The following OPRM1 variants were observed in gnomAD, a reference collection of about 807,000 sequenced individuals.
OPRM1 encodes opioid receptor mu 1, also known as mu-type opioid receptor.
A neutral mutation model predicts 31.8 loss-of-function variants in OPRM1; 27 were observed. That is an observed-to-expected ratio of 0.85 (90% confidence interval 0.63 to 1.17). The LOEUF (loss-of-function observed/expected upper bound fraction) is 1.17. OPRM1 is among the 50% of genes most tolerant of loss of function. The probability of loss-of-function intolerance (pLI) is 0.00; values close to 1 mark genes in which losing one functional copy is unlikely to be tolerated. For synonymous variants in OPRM1, 196 were observed against 189.9 expected (o/e 1.03, Z -0.26); for missense variants, 536 against 511.1 (o/e 1.05, Z -0.47).
At chr6:154,229,461 C>A (rs1443673357) in intron 3 of OPRM1, among the ~76,000 whole-genome samples, 1 of 151,224 alleles carries the variant, frequency 6.6e-6, no homozygotes, top group Non-Finnish European at 1.5e-5. Flanking sequence ...GCCATTCTCC[C>A]GCCTCAGCCT....
At chr6:154,019,678 C>G (rs1778231303) in intron 1 of OPRM1, among the ~76,000 whole-genome samples, 2 of 151,444 alleles carry the variant, frequency 1.3e-5, no homozygotes, top group South Asian at 4.2e-4. Context: ...GCTCATTTCA[C>G]TTAGAAATGT....
chr6:154,010,579 C>T (rs577643991), exon 1 of OPRM1: 24 of 1,541,448 alleles, frequency 1.6e-5, no homozygotes, highest in Admixed American at 2.0e-5. Context: ...GAAGAAAATA[C>T]TCCTCTGAGC....
downstream of OPRM1, among the ~76,000 whole-genome samples, chr6:154,133,832 A>G (rs1159930559): frequency 6.6e-6 from 1 of 152,156 alleles, no homozygotes; most frequent in Non-Finnish European, 1.5e-5. Context: ...CTCAAGACTG[A>G]CTGCTATTCT....
At position 154,155,515 on chromosome 6, in the gene OPRM1, G is replaced by A. The variant is rs1446907019; in HGVS notation, c.1164+64043G>A. 6 of 152,122 alleles carry A rather than the reference G, an allele frequency of 3.9e-5. No homozygotes were observed. In the East Asian group the frequency reaches 9.6e-4, roughly 24 times the overall value. The allele number at this position is 152,122 out of a possible 1,614,324, so 9.4% of individuals were successfully genotyped here. The stretch of plus-strand genomic sequence containing the variant: ...TGGCTATATCAAAATACTGTCTTTC[G>A]GCCAGGTGTGGTGGCTCACACCTGT... On this transcript the variant is annotated intron_variant, in intron 3 of 3. Transcript: ENST00000337049.
intron 3 of OPRM1, among the ~76,000 whole-genome samples, chr6:154,208,539 C>T (rs1018896043): frequency 3.3e-5 from 5 of 152,190 alleles, no homozygotes; most frequent in Non-Finnish European, 5.9e-5. Flanking sequence ...AGAGGTTTGG[C>T]TCCATGATGA....
chr6:154,152,850 C>T (rs1798576871), intron 3 of OPRM1, among the ~76,000 whole-genome samples: 1 of 151,998 alleles, frequency 6.6e-6, no homozygotes, highest in Non-Finnish European at 1.5e-5. Flanking sequence ...CTGCCTCAGC[C>T]TCTCACGTAG....
rs987716894 is a variant in OPRM1, at chr6:154,130,931, G to C, written c.*12210G>C. 6.6e-6 allele frequency among the ~76,000 whole-genome samples: 1 copy of C among 151,598 alleles called. No individual in the cohort carries two copies. The highest frequency in any genetic ancestry group is 2.4e-5 in the African/African-American group (1 of 41,292). On this transcript the variant is annotated 3_prime_UTR_variant, in exon 4 of 4. Coordinates refer to ENST00000330432, the MANE Select transcript of OPRM1 (RefSeq NM_000914.5). ...AAAATGTAAAACAATGAGTGATCTT[G>C]TTGTTTTCATTTTATTATGTTATAT...
intron 3 of OPRM1, among the ~76,000 whole-genome samples, chr6:154,199,388 T>C (rs536970059): frequency 1.3e-5 from 2 of 152,338 alleles, no homozygotes; most frequent in Middle Eastern, 6.8e-3. Context: ...GCAAGTTTTT[T>C]CTCCGATTGG....
chr6:154,051,468 A>G (rs991741406), intron 1 of OPRM1, among the ~76,000 whole-genome samples: 1 of 152,254 alleles, frequency 6.6e-6, no homozygotes, highest in African/African-American at 2.4e-5. Flanking sequence ...TCATTTTACT[A>G]TAGTTAGATG....
At chr6:154,028,691 G>A (rs890312493) in intron 1 of OPRM1, among the ~76,000 whole-genome samples, 126 of 152,130 alleles carry the variant, frequency 8.3e-4, no homozygotes, top group African/African-American at 2.8e-3. Context: ...CCCTCCATGG[G>A]CAGGCATCAA....
intron 1 of OPRM1, among the ~76,000 whole-genome samples, chr6:154,015,918 C>T (rs1259537666): frequency 1.3e-5 from 2 of 151,952 alleles, no homozygotes; most frequent in Admixed American, 6.6e-5. Flanking sequence ...TATCATTTCT[C>T]ACCTACTAGA....
chr6:154,089,920 A>T lies in OPRM1; in HGVS notation c.385A>T (p.Asn129Tyr). The change falls in exon 2 of 4, where the codon AAT (asparagine) becomes TAT (tyrosine). Residue 129 changes from asparagine to tyrosine, a missense_variant. Asn to Tyr is a moderately radical substitution (Grantham distance 143, BLOSUM62 -2). Transcript: ENST00000330432. ...CAGTACCCTGCCCTTCCAGAGTGTG[A>T]ATTACCTAATGGGAACATGGCCATT... ...ATSTLPFQSV[N>Y]YLMGTWPFGT... The T allele has an allele frequency of 6.2e-7, 1 of 1,614,104 alleles. No individual in the cohort carries two copies. Among genetic ancestry groups the T allele is most frequent in the East Asian group, 2.2e-5 (1 of 44,880 alleles).
intron 1 of OPRM1, among the ~76,000 whole-genome samples, chr6:154,015,793 T>C (rs1240362512): frequency 1.3e-5 from 2 of 151,994 alleles, no homozygotes; most frequent in Admixed American, 1.3e-4. Context: ...AAACAGACCC[T>C]ATTTTTAAAC....
At chr6:154,171,407 C>A (rs777705712) in intron 3 of OPRM1, among the ~76,000 whole-genome samples, 2 of 151,984 alleles carry the variant, frequency 1.3e-5, no homozygotes, top group African/African-American at 2.4e-5. Flanking sequence ...TATGAAATGT[C>A]CAGATTAGAT....
exon 1 of OPRM1, chr6:154,010,552 C>G (rs1777671868): frequency 6.5e-7 from 1 of 1,546,192 alleles, no homozygotes; most frequent in Non-Finnish European, 8.8e-7. Context: ...AGCTGGGAAG[C>G]CCTCCAGGTT....
intron 1 of OPRM1, among the ~76,000 whole-genome samples, chr6:154,067,467 T>A (rs907632347): frequency 6.6e-6 from 1 of 151,734 alleles, no homozygotes; most frequent in African/African-American, 2.4e-5. Context: ...GTTTTCTTTA[T>A]GTTATTATGT....
chr6:154,140,413 C>T (rs1798170078), intron 3 of OPRM1, among the ~76,000 whole-genome samples: 1 of 151,936 alleles, frequency 6.6e-6, no homozygotes, highest in South Asian at 2.1e-4. Flanking sequence ...TCACTGCAAC[C>T]TCCATCTCCC....
At chr6:154,241,113 G>A (rs1780544681) in intron 3 of OPRM1, among the ~76,000 whole-genome samples, 1 of 151,818 alleles carries the variant, frequency 6.6e-6, no homozygotes, top group South Asian at 2.1e-4. Context: ...GTGCACGCCT[G>A]TAATCCCAGC....
At chr6:154,173,853 C>A (rs546787385) in intron 3 of OPRM1, among the ~76,000 whole-genome samples, 1 of 152,124 alleles carries the variant, frequency 6.6e-6, no homozygotes, top group African/African-American at 2.4e-5. Context: ...GAAGAGCAAC[C>A]CCAAGACACA....
Sources: gnomAD v4.1 joint callset for allele counts (sites outside exome capture counted in the v4.1 genomes callset) on GRCh38, gnomAD v4.1.1 for gene constraint, MANE v1.5 for transcripts, NCBI Gene and HGNC (gene_info 2026-07-23, HGNC 2026-07-21) for gene names.